PTH2R: variants seen among roughly 807,000 people sequenced by gnomAD.
The protein encoded by PTH2R is parathyroid hormone 2 receptor, also known as PTH2 receptor.
PTH2R carries 59 observed loss-of-function variants against 60.3 expected under a neutral mutation model. The ratio of observed to expected loss-of-function variants is 0.98; its 90% CI spans 0.79 to 1.22. The LOEUF is 1.22. Ranked by LOEUF, PTH2R falls within the 50% of genes most tolerant of loss-of-function variation. PTH2R has a pLI of 0.00. For synonymous variants in PTH2R, 256 were observed against 243.8 expected (o/e 1.05, Z -0.47); for missense variants, 749 against 682.6 (o/e 1.10, Z -1.08).
intron 9 of PTH2R, among the ~76,000 whole-genome samples, chr2:208,467,665 C>T (rs912823428): frequency 5.9e-5 from 9 of 152,094 alleles, no homozygotes; most frequent in African/African-American, 2.2e-4. Context: ...TTCTTTATGT[C>T]AGGAGGAAGT....
Position 208,407,039 on chromosome 2 carries a change from C to G in PTH2R, c.-5C>G. 2 of 1,389,090 alleles carry G rather than the reference C, an allele frequency of 1.4e-6. No individual in the cohort carries two copies. The highest frequency in any genetic ancestry group is 1.9e-5 in the South Asian group (1 of 51,328). 86.0% of individuals were successfully genotyped at this position (1,389,090 alleles called of 1,614,324 possible). A position where few individuals can be genotyped will look rare whatever the true frequency, so the allele number is the denominator to read the frequency against. ...TCCCTGCTTCTTCCTACAGCCGTTC[C>G]GGGCATGGCCGGGCTGGGGGCGTCG... On this transcript the variant is annotated 5_prime_UTR_variant, in exon 1 of 13. Transcript: ENST00000272847.
In PTH2R at chr2:208,493,611, TA is replaced by T. The variant is rs1340688696; in HGVS notation, c.1607del (p.Asn536ThrfsTer33). 3 of 1,586,028 alleles carry T rather than the reference TA, an allele frequency of 1.9e-6. No individual in the cohort carries two copies. The African/African-American group carries it at 4.0e-5, about 21-fold the overall frequency. On this transcript the variant is annotated frameshift_variant, in exon 13 of 13. Transcript: ENST00000272847. LOFTEE classifies it high-confidence loss of function. ...MEKPSRPMES[N>X]PDTEGCQGET... ...AGAAGCCTTCCAGGCCTATGGAATC[TA>T]ACCCAGACACTGAAGGATGCCAAGG... is the stretch of plus-strand genomic sequence containing the variant.
intron 1 of PTH2R, among the ~76,000 whole-genome samples, chr2:208,417,346 C>T (rs1701659795): frequency 6.6e-6 from 1 of 152,036 alleles, no homozygotes; most frequent in Non-Finnish European, 1.5e-5. Flanking sequence ...GAGAAAATTC[C>T]TATGCCAAAA....
chr2:208,477,406 C>A (rs541485221), intron 9 of PTH2R, among the ~76,000 whole-genome samples: 1 of 152,146 alleles, frequency 6.6e-6, no homozygotes, highest in Non-Finnish European at 1.5e-5. Context: ...ACTTCCATGG[C>A]TGAAATGTTT....
Position 208,481,163 on chromosome 2 carries a change from A to G in PTH2R, c.1075A>G (p.Arg359Gly). 1 of 1,589,726 alleles carries G rather than the reference A, an allele frequency of 6.3e-7. No homozygotes were observed. The highest frequency in any genetic ancestry group is 8.6e-7 in the Non-Finnish European group (1 of 1,160,982). Residue 359 changes from arginine to glycine, a missense_variant and splice_region_variant, in exon 10 of 13, where the codon AGG becomes GGG. By Grantham distance (125) the Arg-to-Gly change is moderately radical. Transcript: ENST00000272847. ...TGGGCATGACACAAGGAAGCAATAC[A>G]GGTAATTTCAGGAGAGGCATCCATC... The part of the protein sequence containing the change: ...AVGHDTRKQY[R>G]KLAKSTLVLV...
chr2:208,444,704 T>C, intron 6 of PTH2R, 30 bp from the exon 7 acceptor site: 1 of 1,603,112 alleles, frequency 6.2e-7, no homozygotes. Context: ...AGTGTTCTAA[T>C]ATGATGAAAT....
At chr2:208,492,740 G>C (rs896311372) in intron 12 of PTH2R, among the ~76,000 whole-genome samples, 3 of 152,124 alleles carry the variant, frequency 2.0e-5, no homozygotes, top group Non-Finnish European at 2.9e-5. Context: ...GTGCTGGCTA[G>C]AGCAAATAGT....
chr2:208,436,268 G>A (rs749142713), intron 2 of PTH2R, among the ~76,000 whole-genome samples: 3 of 125,504 alleles, frequency 2.4e-5, no homozygotes, highest in Non-Finnish European at 5.4e-5. Context: ...TGACATTTGA[G>A]TGAAAATATG....
At chr2:208,466,608 T>C (rs1292159318) in intron 9 of PTH2R, 2 of 152,166 alleles carry the variant, frequency 1.3e-5, no homozygotes, top group African/African-American at 4.8e-5. Context: ...CTGCATGGCA[T>C]AGAGACCTCC....
chr2:208,432,441 T>C (rs1701991455), intron 2 of PTH2R, among the ~76,000 whole-genome samples: 1 of 152,178 alleles, frequency 6.6e-6, no homozygotes, highest in South Asian at 2.1e-4. Flanking sequence ...AGAATAATTA[T>C]CTCATCTTAA....
intron 9 of PTH2R, among the ~76,000 whole-genome samples, chr2:208,464,071 A>C (rs374391635): frequency 2.8e-4 from 42 of 152,222 alleles, no homozygotes; most frequent in African/African-American, 8.7e-4. Context: ...TAAACATTTT[A>C]GTATTCTCCA....
In PTH2R at chr2:208,461,093, C is replaced by T. The variant is rs185306326; in HGVS notation, c.981+1132C>T. 1.4e-3 allele frequency among the ~76,000 whole-genome samples: 213 copies of T among 152,094 alleles called. 1 individual carries two copies. The highest frequency in any genetic ancestry group is 2.7e-3 in the African/African-American group (114 of 41,504). On this transcript the variant is annotated intron_variant, in intron 9 of 12. Transcript: ENST00000272847. Reference sequence around the variant, plus strand: ...GCCCATTGAAATAAATGTTTAGAGACGGAAATAAAATACAGAACACGTTTA... The same window carrying T: ...GCCCATTGAAATAAATGTTTAGAGATGGAAATAAAATACAGAACACGTTTA...
rs34110985 is a variant in PTH2R, at chr2:208,369,366, C to CTTTTTTTTT, written c.-259+9130_-259+9131insTTTTTTTTT. Among the ~76,000 whole-genome samples the CTTTTTTTTT allele has an allele frequency of 2.1e-4, 29 of 135,048 alleles. 2 individuals carry two copies. Among genetic ancestry groups the CTTTTTTTTT allele is most frequent in the South Asian group, 4.6e-4 (2 of 4,306 alleles). The allele number at this position is 135,048 out of a possible 152,430, so 88.6% of individuals were successfully genotyped here. On this transcript the variant is annotated intron_variant, in intron 1 of 12. Coordinates refer to the PTH2R transcript ENST00000617735. ...TTGTCTGTAAACAACACTGGTCTCT[C>CTTTTTTTTT]TCTCTTTTTTTTTTTTTTTAGAAGG...
chr2:208,476,579 G>A (rs772963630), intron 9 of PTH2R, among the ~76,000 whole-genome samples: 4 of 152,092 alleles, frequency 2.6e-5, no homozygotes, highest in Non-Finnish European at 4.4e-5. Flanking sequence ...TTATGTAAAA[G>A]TTCAGCATTT....
intron 12 of PTH2R, among the ~76,000 whole-genome samples, chr2:208,492,036 C>T (rs1342798157): frequency 2.6e-5 from 4 of 152,158 alleles, no homozygotes; most frequent in East Asian, 3.9e-4. Context: ...TTTCAGGTGA[C>T]ATCAGCATAC....
intron 9 of PTH2R, 29 bp from the exon 10 acceptor site, chr2:208,481,041 A>G (rs775885812): frequency 6.9e-7 from 1 of 1,445,304 alleles, no homozygotes; most frequent in Non-Finnish European, 9.6e-7. Context: ...ACTAACAATA[A>G]TTCTTTGTAA....
intron 9 of PTH2R, among the ~76,000 whole-genome samples, chr2:208,468,028 G>A (rs1345908133): frequency 6.6e-6 from 1 of 152,106 alleles, no homozygotes; most frequent in East Asian, 1.9e-4. Context: ...GACATCTCTA[G>A]GCTAATCTGA....
In PTH2R at chr2:208,489,130, CTCT is replaced by C. The variant is rs773344391; in HGVS notation, c.1201_1203del (p.Phe401del). ...GTGGGAGATCCGCATGCACTGTGAGCTCTTCTTCAACTCCTTTCAGGTAAAGGG... is the reference window on the plus strand; with the variant it reads ...GTGGGAGATCCGCATGCACTGTGAGCTCTTCAACTCCTTTCAGGTAAAGGG... On this transcript the variant is annotated inframe_deletion, in exon 11 of 13. Coordinates refer to ENST00000272847, the MANE Select transcript of PTH2R (RefSeq NM_005048.4). The C allele has an allele frequency of 1.2e-6, 2 of 1,614,120 alleles. No individual in the cohort carries two copies. The highest frequency in any genetic ancestry group is 2.7e-5 in the African/African-American group (2 of 75,026).
intron 1 of PTH2R, among the ~76,000 whole-genome samples, chr2:208,386,534 G>A (rs1383821632): frequency 6.6e-6 from 1 of 152,302 alleles, no homozygotes; most frequent in South Asian, 2.1e-4. Context: ...GTGTGATACA[G>A]ACAGAACCTG....
Sources: allele counts gnomAD v4.1 joint callset (sites outside exome capture counted in the v4.1 genomes callset), GRCh38; gene constraint gnomAD v4.1.1; transcripts MANE v1.5; gene names NCBI Gene and HGNC (gene_info 2026-07-23, HGNC 2026-07-21).